TUBGCP2: variants seen among roughly 807,000 people sequenced by gnomAD.
The protein encoded by TUBGCP2 is tubulin gamma complex component 2.
TUBGCP2 carries 55 observed loss-of-function variants against 92.2 expected under a neutral mutation model. The observed-to-expected ratio is 0.60, with a 90% confidence interval of 0.48 to 0.75. TUBGCP2 has a LOEUF of 0.75. Ranked by LOEUF, TUBGCP2 falls within the 30% of genes least tolerant of loss-of-function variation. The pLI, the probability that TUBGCP2 is intolerant of heterozygous loss-of-function variation, is 0.00. For synonymous variants in TUBGCP2, 533 were observed against 505.2 expected (o/e 1.06, Z -0.74); for missense variants, 1,093 against 1,188.9 (o/e 0.92, Z 1.19).
upstream of TUBGCP2, chr10:133,308,992 G>A: frequency 8.0e-7 from 1 of 1,247,400 alleles, no homozygotes; most frequent in Non-Finnish European, 1.0e-6. Context: ...GGGGCCCGGG[G>A]CGGCGGAGCC....
chr10:133,286,971 A>G (rs1440032649), intron 11 of TUBGCP2, among the ~76,000 whole-genome samples: 2 of 152,202 alleles, frequency 1.3e-5, no homozygotes, highest in Non-Finnish European at 2.9e-5. Context: ...GGAGTAACAA[A>G]GATGACAGAA....
rs1589823735 is a variant in TUBGCP2 at position 133,285,920 on chromosome 10, C to T, written c.1723-292G>A. Among the ~76,000 whole-genome samples, 2 of 152,092 alleles carry T rather than the reference C, an allele frequency of 1.3e-5. No homozygotes were observed. The highest frequency in any genetic ancestry group is 6.6e-5 in the Admixed American group (1 of 15,260). ...AAACCGCTAAGGACGGTGAAAGAAA[C>T]GTGATTCCTTAGGACGAAAACCTTT... is the stretch of plus-strand genomic sequence containing the variant. On this transcript the variant is annotated intron_variant, in intron 11 of 17. Coordinates refer to ENST00000252936, the MANE Select transcript of TUBGCP2 (RefSeq NM_006659.4). This position sits in a 1 kb window ranked among gnomAD's most constrained non-coding sequence, Gnocchi z 6.8.
At chr10:133,311,970 C>T, upstream of TUBGCP2, 1 of 1,610,932 alleles carries the variant, frequency 6.2e-7, no homozygotes, top group Non-Finnish European at 8.5e-7. Context: ...AGAAAATCGG[C>T]TTCCGCCAGA....
In TUBGCP2 at chr10:133,288,226, G is replaced by A. The variant is rs752194864; in HGVS notation, c.1625C>T (p.Pro542Leu). Residue 542 changes from proline to leucine, a missense_variant, in exon 11 of 18, where the codon CCG (proline) becomes CTG (leucine). This residue lies in a region of TUBGCP2 where 598 missense variants were observed against 675.5 expected (regional missense o/e 0.89). Coordinates refer to ENST00000252936, the MANE Select transcript of TUBGCP2 (RefSeq NM_006659.4). ...GCGAGGGGGCGTGATGTCCTCCACCGGCTTCCGGAGCTCCTCCTCCGCGAG... is the reference window on the plus strand; with the variant it reads ...GCGAGGGGGCGTGATGTCCTCCACCAGCTTCCGGAGCTCCTCCTCCGCGAG... ...MDLAEEELRK[P>L]VEDITPPRLE... 22 of 1,613,724 alleles carry A rather than the reference G, an allele frequency of 1.4e-5. No individual in the cohort carries two copies. The highest frequency in any genetic ancestry group is 8.3e-5 in the Admixed American group (5 of 60,012).
intron 17 of TUBGCP2, 46 bp from the exon 18 acceptor site, chr10:133,279,947 G>A (rs1350542955): frequency 5.0e-6 from 8 of 1,591,556 alleles, no homozygotes; most frequent in African/African-American, 1.3e-5. Flanking sequence ...CCTTCTGCGG[G>A]TGCATGCTGG....
upstream of TUBGCP2, chr10:133,309,696 C>T (rs1847943224): frequency 6.5e-7 from 1 of 1,540,314 alleles, no homozygotes; most frequent in Non-Finnish European, 8.9e-7. Flanking sequence ...TATTGGACGT[C>T]TCAAAGGGAA....
At chr10:133,299,405 T>C (rs768410008) in intron 4 of TUBGCP2, 22 bp downstream of exon 4, 1 of 1,553,116 alleles carries the variant, frequency 6.4e-7, no homozygotes, top group Non-Finnish European at 8.7e-7. Context: ...ATGGAGCCTG[T>C]GGACAGCCAT....
rs1249571956 is a variant in TUBGCP2, at chr10:133,285,521, C to A, written c.1830G>T (p.Leu610=). Residue 610 remains leucine, a synonymous_variant, in exon 12 of 18, where the codon CTG becomes CTT. Coordinates refer to ENST00000252936, the MANE Select transcript of TUBGCP2 (RefSeq NM_006659.4). The surrounding 1 kb of genome is among the most constrained non-coding windows in gnomAD (Gnocchi z 6.8). ...CGAAAGAGAAGGCCTCCAGGCCGCT[C>A]AGCGCCAGCTCCGTGGGGTCGGCGT... The part of the protein sequence containing the change: ...MAHADPTELA[L]SGLEAFSFDY... The A allele has an allele frequency of 3.1e-6, 5 of 1,606,362 alleles. No homozygotes were observed. The highest frequency in any genetic ancestry group is 4.3e-6 in the Non-Finnish European group (5 of 1,174,428).
upstream of TUBGCP2, chr10:133,310,537 G>C (rs1291507109): frequency 1.9e-6 from 1 of 533,380 alleles, no homozygotes; most frequent in African/African-American, 1.9e-5. Context: ...AGCAGAGGGG[G>C]TGTGGGAATG....
chr10:133,309,314 CGGGTGTGGGCGAGGCCTGACGCGGT>C, upstream of TUBGCP2: 1 of 1,525,342 alleles, frequency 6.6e-7, no homozygotes, highest in Non-Finnish European at 8.9e-7. Flanking sequence ...ACTGGGGCCA[CGGGTGTGGGCGAGGCCTGACGCGGT>C]GGGCGTGCCG....
chr10:133,307,702 G>A (rs1847858350), intron 1 of TUBGCP2, among the ~76,000 whole-genome samples: 2 of 152,154 alleles, frequency 1.3e-5, no homozygotes, highest in Admixed American at 6.5e-5. Context: ...CCCAGATCGC[G>A]CCACTGCACT....
At chr10:133,296,296 C>G (rs1847486175) in intron 5 of TUBGCP2, among the ~76,000 whole-genome samples, 1 of 152,204 alleles carries the variant, frequency 6.6e-6, no homozygotes, top group Admixed American at 6.5e-5. Flanking sequence ...GGATCCCAGG[C>G]AGCAGGGCCC....
At chr10:133,309,503 G>T (rs569651642), upstream of TUBGCP2, 5 of 1,588,530 alleles carry the variant, frequency 3.1e-6, no homozygotes, top group Non-Finnish European at 3.4e-6. Flanking sequence ...CTACTCCTGC[G>T]CCGCCTCCCT....
chr10:133,301,607 T>G (rs1042054444), intron 2 of TUBGCP2: 1 of 152,126 alleles, frequency 6.6e-6, no homozygotes, highest in Non-Finnish European at 1.5e-5. Context: ...CAAAATCATT[T>G]TTACTGAAAA....
chr10:133,289,525 T>C (rs1405418998), intron 9 of TUBGCP2, among the ~76,000 whole-genome samples: 1 of 152,032 alleles, frequency 6.6e-6, no homozygotes, highest in East Asian at 1.9e-4. Flanking sequence ...TAGCGGAGTT[T>C]TAGAAATCAG....
Position 133,292,586 on chromosome 10 carries a change from C to A in TUBGCP2, c.1127G>T (p.Cys376Phe). ...YTGDSQAQEL[C>F]LYLTKAASAP... is the part of the protein sequence containing the mutation. ...ACTGGCCGCCTTGGTTAGGTACAGG[C>A]ATAGCTCCTGCGCCTGGCTGTCCCC... The change falls in exon 8 of 18, where the codon TGC becomes TTC. Residue 376 changes from cysteine (C) to phenylalanine (F), a missense_variant. Cys to Phe is a radical substitution (Grantham distance 205, BLOSUM62 -2). Transcript: ENST00000252936. 2 of 1,614,188 alleles carry A rather than the reference C, an allele frequency of 1.2e-6. No individual in the cohort carries two copies. The highest frequency in any genetic ancestry group is 2.2e-5 in the East Asian group (1 of 44,880).
At chr10:133,290,008 A>G in intron 8 of TUBGCP2, 39 bp from the exon 9 acceptor site, 3 of 1,599,558 alleles carry the variant, frequency 1.9e-6, no homozygotes, top group Non-Finnish European at 2.6e-6. Context: ...AGGCAAAGCA[A>G]GGGCGCCTGA....
chr10:133,282,238 C>T lies in TUBGCP2; in HGVS notation c.2394G>A (p.Lys798=). Reference sequence around the variant, plus strand: ...GGCCACGCACCTTCCTGGCGAGCTCCTTCCGGGCCCGCTCCTCGGCCCCTG... The same window carrying T: ...GGCCACGCACCTTCCTGGCGAGCTCTTTCCGGGCCCGCTCCTCGGCCCCTG... ...LPAGAEERAR[K]ELARKHLAEH... is the part of the protein sequence containing the mutation. The change falls in exon 16 of 18, where the codon AAG becomes AAA. Residue 798 remains lysine (K), a synonymous_variant. Coordinates refer to ENST00000252936, the MANE Select transcript of TUBGCP2 (RefSeq NM_006659.4). The T allele has an allele frequency of 6.2e-7, 1 of 1,611,948 alleles. No homozygotes were observed. Among genetic ancestry groups the T allele is most frequent in the Non-Finnish European group, 8.5e-7 (1 of 1,179,612 alleles).
upstream of TUBGCP2, chr10:133,311,838 A>T (rs1847996379): frequency 6.2e-7 from 1 of 1,613,396 alleles, no homozygotes; most frequent in East Asian, 2.2e-5. Context: ...ATCTACAGAC[A>T]TAGGTCAGTG....
Sources: gnomAD v4.1 joint callset for allele counts (sites outside exome capture counted in the v4.1 genomes callset) on GRCh38, gnomAD v4.1.1 for gene constraint, gnomAD v4.1.1 regional missense constraint, Gnocchi (gnomAD v3.1) non-coding constraint, MANE v1.5 for transcripts, NCBI Gene and HGNC (gene_info 2026-07-23, HGNC 2026-07-21) for gene names.